Variants in SLC30A6 observed in about 807,000 individuals in gnomAD.
SLC30A6 encodes solute carrier family 30 member 6, also known as zinc transporter 6.
Under a neutral mutation model 63.0 loss-of-function variants are expected in SLC30A6, and 55 were observed. That is an observed-to-expected ratio of 0.87 (90% CI 0.70 to 1.09). The LOEUF (loss-of-function observed/expected upper bound fraction) is 1.09, where lower values mean the gene tolerates loss of function less well. SLC30A6 is among the 50% of genes least tolerant of loss of function. The pLI, the probability that SLC30A6 is intolerant of heterozygous loss-of-function variation, is 0.00. For synonymous variants in SLC30A6, 224 were observed against 186.1 expected (o/e 1.20, Z -1.66); for missense variants, 587 against 549.2 (o/e 1.07, Z -0.69).
Position 32,221,119 on chromosome 2 carries a change from A to G in SLC30A6, c.*406A>G, listed in dbSNP as rs945258685. ...CACTGTGCCCGGCCAATACATTATT[A>G]TTAACTTAAGGCTGTACTTTATTAA... On this transcript the variant is annotated 3_prime_UTR_variant, in exon 14 of 14. Coordinates refer to ENST00000282587, the MANE Select transcript of SLC30A6 (RefSeq NM_017964.5). The G allele has an allele frequency of 1.4e-5, 3 of 210,948 alleles. No individual in the cohort carries two copies. Among genetic ancestry groups the G allele is most frequent in the East Asian group, 2.6e-4 (2 of 7,636 alleles). The allele number at this position is 210,948 out of a possible 1,614,324, so 13.1% of individuals were successfully genotyped here.
At chr2:32,213,986 C>G (rs1403041416) in intron 13 of SLC30A6, among the ~76,000 whole-genome samples, 1 of 151,332 alleles carries the variant, frequency 6.6e-6, no homozygotes. Flanking sequence ...TGTGTAGATT[C>G]ATCTCACAGA....
intron 1 of SLC30A6, among the ~76,000 whole-genome samples, chr2:32,168,750 G>A (rs1044661259): frequency 6.6e-6 from 1 of 152,140 alleles, no homozygotes; most frequent in Non-Finnish European, 1.5e-5. Context: ...AGACAAAAGA[G>A]TAGACCAGTT....
In SLC30A6 at chr2:32,179,332, A is replaced by G. The variant is rs577202307; in HGVS notation, c.218+3971A>G. Among the ~76,000 whole-genome samples the G allele has an allele frequency of 9.5e-4, 145 of 152,314 alleles. 1 individual carries two copies. The highest frequency in any genetic ancestry group is 3.4e-3 in the African/African-American group (142 of 41,578). ...TCCTGTGGTTAAAAATGAGTTGCATATGAGATTATTCAGTACAAAAGATTG... is the reference window on the plus strand; with the variant it reads ...TCCTGTGGTTAAAAATGAGTTGCATGTGAGATTATTCAGTACAAAAGATTG... On this transcript the variant is annotated intron_variant, in intron 4 of 13. Transcript: ENST00000282587.
Position 32,220,419 on chromosome 2 carries a change from A to G in SLC30A6, c.1092A>G (p.Leu364=). ...ATCACGTAATCCCAATGCCTCTTTTAAAGGGTACTGATGATTTGAACCCAG... is the reference window on the plus strand; with the variant it reads ...ATCACGTAATCCCAATGCCTCTTTTGAAGGGTACTGATGATTTGAACCCAG... ...SDHHVIPMPL[L]KGTDDLNPVT... Residue 364 remains leucine (L), a synonymous_variant, in exon 14 of 14, where the codon TTA becomes TTG. Transcript: ENST00000282587. 6.2e-7 allele frequency: 1 copy of G among 1,614,222 alleles called. No individual in the cohort carries two copies. Among genetic ancestry groups the G allele is most frequent in the Non-Finnish European group, 8.5e-7 (1 of 1,180,036 alleles).
chr2:32,170,289 A>G (rs1256960838), intron 1 of SLC30A6, among the ~76,000 whole-genome samples: 1 of 152,212 alleles, frequency 6.6e-6, no homozygotes, highest in Non-Finnish European at 1.5e-5. Context: ...CATTACCTTG[A>G]TCAAAATACC....
At chr2:32,214,529 C>T (rs1261829788) in intron 13 of SLC30A6, 1 of 152,030 alleles carries the variant, frequency 6.6e-6, no homozygotes, top group East Asian at 1.9e-4. Context: ...CTGTATCGTT[C>T]CAATTTGAGT....
intron 1 of SLC30A6, among the ~76,000 whole-genome samples, chr2:32,167,129 G>C (rs1307463047): frequency 2.0e-5 from 3 of 152,156 alleles, no homozygotes; most frequent in African/African-American, 7.2e-5. Flanking sequence ...AGGCTGGAGT[G>C]CAATGGCGCG....
chr2:32,193,041 C>A, intron 7 of SLC30A6, 88 bp downstream of exon 7: 2 of 828,902 alleles, frequency 2.4e-6, no homozygotes, highest in Non-Finnish European at 3.7e-6. Flanking sequence ...TGTCAGATTT[C>A]AGACTGTGGC....
intron 5 of SLC30A6, among the ~76,000 whole-genome samples, chr2:32,185,621 C>T (rs963611726): frequency 6.6e-6 from 1 of 151,842 alleles, no homozygotes; most frequent in African/African-American, 2.4e-5. Flanking sequence ...GTTTTATTTA[C>T]TTAAACAATG....
At position 32,223,086 on chromosome 2, in the gene SLC30A6, A is replaced by G. The variant is rs1686229012; in HGVS notation, c.*2373A>G. ...TGAAAGAATTGGCCCTACGTCCTGCATGTAAGATGTTACAGGGGACATTGG... is the reference window on the plus strand; with the variant it reads ...TGAAAGAATTGGCCCTACGTCCTGCGTGTAAGATGTTACAGGGGACATTGG... On this transcript the variant is annotated 3_prime_UTR_variant, in exon 14 of 14. Transcript: ENST00000282587. 1 of 152,220 alleles carries G rather than the reference A, an allele frequency of 6.6e-6. No homozygotes were observed. The highest frequency in any genetic ancestry group is 6.5e-5 in the Admixed American group (1 of 15,282). 9.4% of individuals were successfully genotyped at this position (152,220 alleles called of 1,614,324 possible).
In SLC30A6 at chr2:32,171,296, C is replaced by G; in HGVS notation, c.13C>G (p.His5Asp). The change falls in exon 2 of 14, where the codon CAT becomes GAT. Residue 5 changes from histidine (H) to aspartate (D), a missense_variant. By Grantham distance (81) the His-to-Asp change is moderately conservative. Coordinates refer to ENST00000282587, the MANE Select transcript of SLC30A6 (RefSeq NM_017964.5). MGTIHLFRKPQRSFF... is the reference protein window; with the variant it reads MGTIDLFRKPQRSFF... ...TATGTTTGTTTGAAAGGGGACAATT[C>G]ATCTCTTTCGAAAACCACAAAGATC... The G allele has an allele frequency of 6.2e-7, 1 of 1,613,354 alleles. No individual in the cohort carries two copies. The highest frequency in any genetic ancestry group is 1.1e-5 in the South Asian group (1 of 91,034).
At position 32,224,369 on chromosome 2, in the gene SLC30A6, C is replaced by T; in HGVS notation, c.*3656C>T. On this transcript the variant is annotated 3_prime_UTR_variant, in exon 14 of 14. Coordinates refer to ENST00000282587, the MANE Select transcript of SLC30A6 (RefSeq NM_017964.5). ...TTTAATCATCAAATTAAACTTCTTTCCACGTCCTTATCTTCTTTGGCATCC... is the reference window on the plus strand; with the variant it reads ...TTTAATCATCAAATTAAACTTCTTTTCACGTCCTTATCTTCTTTGGCATCC... 2.6e-6 allele frequency: 2 copies of T among 774,748 alleles called. No homozygotes were observed. The highest frequency in any genetic ancestry group is 3.9e-5 in the South Asian group (2 of 50,674). 48.0% of individuals were successfully genotyped at this position (774,748 alleles called of 1,614,324 possible). A position where few individuals can be genotyped will look rare whatever the true frequency, so the allele number is the denominator to read the frequency against.
At chr2:32,193,817 C>G (rs1468143895) in intron 7 of SLC30A6, 72 bp from the exon 8 acceptor site, 2 of 1,194,120 alleles carry the variant, frequency 1.7e-6, no homozygotes, top group Non-Finnish European at 2.5e-6. Flanking sequence ...CTTAGTCCCT[C>G]TACGTATTGA....
intron 1 of SLC30A6, among the ~76,000 whole-genome samples, chr2:32,170,719 C>T (rs1681130228): frequency 6.6e-6 from 1 of 152,214 alleles, no homozygotes; most frequent in Non-Finnish European, 1.5e-5. Context: ...ACGCCTCAGC[C>T]TCCTGAGTAG....
intron 3 of SLC30A6, among the ~76,000 whole-genome samples, 154 bp from the exon 4 acceptor site, chr2:32,175,165 A>C (rs984686522): frequency 5.3e-5 from 8 of 152,190 alleles, no homozygotes; most frequent in African/African-American, 1.9e-4. Flanking sequence ...TATATTTATC[A>C]GATTTACTAG....
Position 32,220,670 on chromosome 2 carries a change from G to C in SLC30A6, c.1343G>C (p.Ser448Thr), listed in dbSNP as rs1001732494. The stretch of plus-strand genomic sequence containing the variant: ...AGGACTGGTTTTACAAATATACCAA[G>C]TAGATATGGAACTAATAATAGAATT... ...GLRTGFTNIP[S>T]RYGTNNRIGQ... The change falls in exon 14 of 14, where the codon AGT (serine) becomes ACT (threonine). Residue 448 changes from serine (S) to threonine (T), a missense_variant. Coordinates refer to ENST00000282587, the MANE Select transcript of SLC30A6 (RefSeq NM_017964.5). 1 of 1,613,968 alleles carries C rather than the reference G, an allele frequency of 6.2e-7. No individual in the cohort carries two copies.
At chr2:32,211,734 CAGCCTCCCG>C (rs1420440657) in intron 13 of SLC30A6, among the ~76,000 whole-genome samples, 1 of 152,164 alleles carries the variant, frequency 6.6e-6, no homozygotes, top group Non-Finnish European at 1.5e-5. Context: ...TCTCCTGCCT[CAGCCTCCCG>C]AGTAGCTGGG....
intron 10 of SLC30A6, chr2:32,203,667 G>A (rs1283086936): frequency 6.4e-7 from 1 of 1,559,606 alleles, no homozygotes; most frequent in African/African-American, 1.4e-5. Flanking sequence ...TTACCAGAAT[G>A]TGCCTCCTGA....
chr2:32,201,675 G>A, intron 10 of SLC30A6: 4 of 1,496,124 alleles, frequency 2.7e-6, no homozygotes, highest in Non-Finnish European at 2.7e-6. Context: ...CCAGAAGAAG[G>A]AGAGGCAGAA....
Sources: allele counts gnomAD v4.1 joint callset (sites outside exome capture counted in the v4.1 genomes callset), GRCh38; gene constraint gnomAD v4.1.1; transcripts MANE v1.5; gene names NCBI Gene and HGNC (gene_info 2026-07-23, HGNC 2026-07-21).